Variants in CDKAL1 observed in about 807,000 individuals in gnomAD.
CDKAL1 encodes the protein CDKAL1 threonylcarbamoyladenosine tRNA methylthiotransferase.
In CDKAL1, 32 loss-of-function variants were observed where a neutral mutation model predicts 68.2. That is an observed-to-expected ratio of 0.47 (90% confidence interval 0.35 to 0.63). The LOEUF (loss-of-function observed/expected upper bound fraction) is 0.63, where lower values mean the gene tolerates loss of function less well. CDKAL1 is among the 30% of genes least tolerant of loss of function. The pLI is 0.00. For synonymous variants in CDKAL1, 234 were observed against 244.3 expected (o/e 0.96, Z 0.39); for missense variants, 606 against 696.7 (o/e 0.87, Z 1.47).
intron 5 of CDKAL1, among the ~76,000 whole-genome samples, chr6:20,669,281 A>C (rs535404408): frequency 6.6e-6 from 1 of 152,132 alleles, no homozygotes; most frequent in African/African-American, 2.4e-5. Flanking sequence ...TTCTCTTTCC[A>C]TCATGTCTTC....
intron 11 of CDKAL1, among the ~76,000 whole-genome samples, chr6:21,009,133 G>C (rs550663261): frequency 6.6e-6 from 1 of 152,222 alleles, no homozygotes; most frequent in African/African-American, 2.4e-5. Flanking sequence ...CCATTTTAGG[G>C]TTAAGAAATT....
At chr6:20,666,802 G>A (rs917600674) in intron 5 of CDKAL1, among the ~76,000 whole-genome samples, 1 of 149,214 alleles carries the variant, frequency 6.7e-6, no homozygotes, top group African/African-American at 2.5e-5. Flanking sequence ...TCTGGATTCT[G>A]TTTGCCACTG....
intron 5 of CDKAL1, among the ~76,000 whole-genome samples, chr6:20,653,230 A>G (rs1045557285): frequency 4.3e-4 from 65 of 152,282 alleles, no homozygotes; most frequent in African/African-American, 1.4e-3. Context: ...TAGAATATGA[A>G]CCTGGGAGTT....
chr6:20,543,758 A>G (rs1282868527), intron 2 of CDKAL1, among the ~76,000 whole-genome samples: 3 of 116,950 alleles, frequency 2.6e-5, no homozygotes, highest in Non-Finnish European at 1.6e-5. Context: ...TTTTTTTGAG[A>G]CAGAGTCTCA....
chr6:20,999,570 A>G (rs1161444394), intron 10 of CDKAL1, among the ~76,000 whole-genome samples: 4 of 150,998 alleles, frequency 2.6e-5, no homozygotes, highest in East Asian at 2.0e-4. Context: ...TAAGTATGAA[A>G]GTTAGTAGGT....
At chr6:21,054,425 A>T (rs7748652) in intron 11 of CDKAL1, among the ~76,000 whole-genome samples, 1 of 151,782 alleles carries the variant, frequency 6.6e-6, no homozygotes, top group Non-Finnish European at 1.5e-5. Context: ...AATTGTTCTG[A>T]TTATTTCAAG....
chr6:20,996,472 T>C (rs1211417646), intron 10 of CDKAL1, among the ~76,000 whole-genome samples: 2 of 152,224 alleles, frequency 1.3e-5, no homozygotes, highest in Admixed American at 6.5e-5. Flanking sequence ...AGGTTATTAA[T>C]TGGCCTAATT....
intron 13 of CDKAL1, among the ~76,000 whole-genome samples, chr6:21,142,443 A>G (rs1461187710): frequency 6.6e-6 from 1 of 152,160 alleles, no homozygotes; most frequent in Admixed American, 6.5e-5. Context: ...TAAGGCTAGC[A>G]CCTACCTCCT....
intron 9 of CDKAL1, among the ~76,000 whole-genome samples, chr6:20,945,056 A>G (rs1006078323): frequency 2.7e-5 from 3 of 109,138 alleles, no homozygotes; most frequent in African/African-American, 1.1e-4. Flanking sequence ...AACAGTGCAT[A>G]TGTGCACACA....
intron 6 of CDKAL1, among the ~76,000 whole-genome samples, chr6:20,740,817 T>G (rs1773422483): frequency 6.6e-6 from 1 of 152,196 alleles, no homozygotes; most frequent in Non-Finnish European, 1.5e-5. Context: ...TTTTCACCAT[T>G]TGTCTGTTTA....
chr6:20,641,565 T>G (rs1768175276), intron 4 of CDKAL1, among the ~76,000 whole-genome samples: 1 of 152,202 alleles, frequency 6.6e-6, no homozygotes, highest in Non-Finnish European at 1.5e-5. Context: ...AATTTCCCTT[T>G]TTTCTTTTTC....
intron 9 of CDKAL1, among the ~76,000 whole-genome samples, chr6:20,949,617 G>A (rs1269368848): frequency 6.6e-6 from 1 of 152,142 alleles, no homozygotes; most frequent in Non-Finnish European, 1.5e-5. Context: ...CATCATGATA[G>A]GTCCTAGGCG....
At chr6:20,922,452 A>G (rs926108357) in intron 9 of CDKAL1, among the ~76,000 whole-genome samples, 1 of 152,202 alleles carries the variant, frequency 6.6e-6, no homozygotes, top group Non-Finnish European at 1.5e-5. Flanking sequence ...AAGAGGGGAC[A>G]GTATCTAAAT....
At chr6:21,114,231 G>C (rs529659959) in intron 13 of CDKAL1, among the ~76,000 whole-genome samples, 4 of 124,660 alleles carry the variant, frequency 3.2e-5, no homozygotes, top group South Asian at 2.7e-4. Context: ...CTGGGCAACA[G>C]AGCAAGACTC....
intron 11 of CDKAL1, among the ~76,000 whole-genome samples, chr6:21,044,721 A>G (rs192224374): frequency 6.6e-6 from 1 of 152,348 alleles, no homozygotes; most frequent in Non-Finnish European, 1.5e-5. Context: ...CTGTGCAAAC[A>G]CTTCACTTTT....
At chr6:20,639,966 C>T (rs1052318237) in intron 4 of CDKAL1, among the ~76,000 whole-genome samples, 1 of 152,192 alleles carries the variant, frequency 6.6e-6, no homozygotes, top group Admixed American at 6.5e-5. Flanking sequence ...ACCGCGCCGA[C>T]CATTTTCATT....
At chr6:21,226,035 T>C (rs951105347) in intron 15 of CDKAL1, among the ~76,000 whole-genome samples, 5 of 152,212 alleles carry the variant, frequency 3.3e-5, no homozygotes, top group African/African-American at 1.2e-4. Flanking sequence ...AAAATTTGCC[T>C]GAGAATCCTC....
At chr6:21,022,418 T>G (rs561077430) in intron 11 of CDKAL1, among the ~76,000 whole-genome samples, 1 of 152,336 alleles carries the variant, frequency 6.6e-6, no homozygotes, top group South Asian at 2.1e-4. Flanking sequence ...TCCTGAGAGA[T>G]GTAATCAGTT....
intron 15 of CDKAL1, among the ~76,000 whole-genome samples, chr6:21,229,764 T>C (rs1257410829): frequency 3.3e-5 from 5 of 152,158 alleles, no homozygotes; most frequent in East Asian, 3.8e-4. Context: ...TCCCATGTTA[T>C]TGGGGGAGGC....
Sources: gnomAD v4.1 joint callset for allele counts (sites outside exome capture counted in the v4.1 genomes callset) on GRCh38, gnomAD v4.1.1 for gene constraint, MANE v1.5 for transcripts, NCBI Gene and HGNC (gene_info 2026-07-23, HGNC 2026-07-21) for gene names.